Variants in DSG2 observed in about 807,000 individuals in gnomAD.
DSG2 encodes the protein desmoglein-2.
A neutral mutation model predicts 75.6 loss-of-function variants in DSG2; 45 were observed. The observed-to-expected ratio is 0.60, with a 90% confidence interval of 0.47 to 0.76. DSG2 has a LOEUF of 0.76. Ranked by LOEUF, DSG2 falls within the 30% of genes least tolerant of loss-of-function variation. The pLI is 0.00. For missense variants in DSG2, 1,267 were observed against 1,357.4 expected (o/e 0.93, Z 1.05); for synonymous variants, 429 against 483.9 (o/e 0.89, Z 1.49).
Position 31,524,852 on chromosome 18 carries a change from T to C in DSG2, c.978T>C (p.Asp326=). The change falls in exon 8 of 15, where the codon GAT becomes GAC. Residue 326 remains aspartate (D), a synonymous_variant. Coordinates refer to ENST00000261590, the MANE Select transcript of DSG2 (RefSeq NM_001943.5). ...NEGGYFHIET[D]AQTNEGIVTL... is the part of the protein sequence containing the mutation. ...GAGGTTATTTCCACATAGAAACAGA[T>C]GCTCAAACTAACGAAGGAATTGTGA... 6.2e-7 allele frequency: 1 copy of C among 1,614,218 alleles called. No individual in the cohort carries two copies. The highest frequency in any genetic ancestry group is 8.5e-7 in the Non-Finnish European group (1 of 1,180,030).
At chr18:31,518,160 A>C (rs1169871982) in intron 1 of DSG2, 79 bp from the exon 2 acceptor site, 2 of 1,112,976 alleles carry the variant, frequency 1.8e-6, no homozygotes, top group South Asian at 2.6e-5. Context: ...TATTCAATGC[A>C]GTAGGTTATT....
At chr18:31,528,336 G>A (rs977046306) in intron 8 of DSG2, among the ~76,000 whole-genome samples, 5 of 152,212 alleles carry the variant, frequency 3.3e-5, no homozygotes, top group Non-Finnish European at 4.4e-5. Flanking sequence ...AGAATGTGGT[G>A]TATTCATATG....
chr18:31,527,987 C>T (rs1318414019), intron 8 of DSG2, among the ~76,000 whole-genome samples: 1 of 152,192 alleles, frequency 6.6e-6, no homozygotes, highest in Non-Finnish European at 1.5e-5. Flanking sequence ...AATATCATCA[C>T]TTTGAGAGTC....
At position 31,536,257 on chromosome 18, in the gene DSG2, C is replaced by T. The variant is rs778100657; in HGVS notation, c.1479C>T (p.Asn493=). The T allele has an allele frequency of 6.8e-6, 11 of 1,614,154 alleles. No individual in the cohort carries two copies. Among genetic ancestry groups the T allele is most frequent in the South Asian group, 6.6e-5 (6 of 91,082 alleles). The change falls in exon 11 of 15, where the codon AAC becomes AAT. Residue 493 remains asparagine, a synonymous_variant. Transcript: ENST00000261590. The stretch of plus-strand genomic sequence containing the variant: ...TCCTTATCAATGTTGAAGACATCAA[C>T]GACAACTGTCCCACACTGATAGAGC... ...GTVLINVEDI[N]DNCPTLIEPV... is the part of the protein sequence containing the mutation.
chr18:31,506,377 A>G (rs918669088), intron 1 of DSG2, among the ~76,000 whole-genome samples: 1 of 152,266 alleles, frequency 6.6e-6, no homozygotes, highest in African/African-American at 2.4e-5. Flanking sequence ...TTTCAGAGAT[A>G]TAATCCTGCA....
At chr18:31,505,664 T>C (rs943590354) in intron 1 of DSG2, among the ~76,000 whole-genome samples, 7 of 149,094 alleles carry the variant, frequency 4.7e-5, no homozygotes, top group African/African-American at 9.9e-5. Flanking sequence ...TTCTTTTTTT[T>C]TTTTTTTCTT....
intron 5 of DSG2, among the ~76,000 whole-genome samples, chr18:31,521,851 G>A (rs981229942): frequency 3.3e-5 from 5 of 152,028 alleles, no homozygotes; most frequent in African/African-American, 9.7e-5. Flanking sequence ...CCCTTATACA[G>A]CAATTTTTCA....
At chr18:31,518,972 T>C (rs1163045316) in intron 2 of DSG2, among the ~76,000 whole-genome samples, 1 of 152,160 alleles carries the variant, frequency 6.6e-6, no homozygotes, top group Non-Finnish European at 1.5e-5. Flanking sequence ...AAATGGGAAA[T>C]TTAATTCTTT....
rs367548984 is a variant in DSG2 at position 31,535,288 on chromosome 18, T to C, written c.1299T>C (p.Asp433=). ...PAHARYVKLE[D]RDNWISVDSV... is the part of the protein sequence containing the mutation. Reference sequence around the variant, plus strand: ...ATGACAGATATGTAAAATTAGAAGATAGAGATAATTGGATCTCTGTGGATT... The same window carrying C: ...ATGACAGATATGTAAAATTAGAAGACAGAGATAATTGGATCTCTGTGGATT... The change falls in exon 10 of 15, where the codon GAT becomes GAC. Residue 433 remains aspartate, a synonymous_variant. Coordinates refer to ENST00000261590, the MANE Select transcript of DSG2 (RefSeq NM_001943.5). 35 of 1,589,052 alleles carry C rather than the reference T, an allele frequency of 2.2e-5. No individual in the cohort carries two copies. The African/African-American group carries it at 3.2e-4, about 15-fold the overall frequency.
rs2073239357 is a variant in DSG2, at chr18:31,537,609, A to C, written c.1652-1142A>C. On this transcript the variant is annotated intron_variant, in intron 11 of 14. Coordinates refer to ENST00000261590, the MANE Select transcript of DSG2 (RefSeq NM_001943.5). ...ACTCCAGCCTGGGTGACAGAGCAAG[A>C]CTCTGTCTCAAAAAAAAAACTCCCT... Among the ~76,000 whole-genome samples the C allele has an allele frequency of 2.0e-5, 3 of 151,442 alleles. No individual in the cohort carries two copies. The South Asian group carries it at 6.3e-4, about 32-fold the overall frequency.
rs1030405073 is a variant in DSG2 at position 31,534,900 on chromosome 18, G to C, written c.1281-370G>C. Among the ~76,000 whole-genome samples, 5 of 152,300 alleles carry C rather than the reference G, an allele frequency of 3.3e-5. No individual in the cohort carries two copies. The South Asian group carries it at 1.0e-3, about 32-fold the overall frequency. The stretch of plus-strand genomic sequence containing the variant: ...AACATAAGACTGCTCTTCTCCACCA[G>C]TGCTTATTGTATAACTAAGTTATTC... On this transcript the variant is annotated intron_variant, in intron 9 of 14. Transcript: ENST00000261590.
At chr18:31,537,773 C>CTA (rs1567931268) in intron 11 of DSG2, among the ~76,000 whole-genome samples, 14 of 151,978 alleles carry the variant, frequency 9.2e-5, no homozygotes, top group African/African-American at 3.1e-4. Context: ...GAGGGTGAGG[C>CTA]GGGTGGATCA....
In DSG2 at chr18:31,498,179, GGAGCC is replaced by G. The variant is rs2072992889; in HGVS notation, c.-69_-65del. On this transcript the variant is annotated 5_prime_UTR_variant, in exon 1 of 15. Coordinates refer to ENST00000261590, the MANE Select transcript of DSG2 (RefSeq NM_001943.5). ...GCCGGGGGGAGGCCGGGGCCAGGGA[GGAGCC>G]GAGTGCGCGCTCGGGGCAGGCGGCG... 8.3e-7 allele frequency: 1 copy of G among 1,205,828 alleles called. No homozygotes were observed. Among genetic ancestry groups the G allele is most frequent in the Non-Finnish European group, 1.0e-6 (1 of 966,730 alleles). 74.7% of individuals were successfully genotyped at this position (1,205,828 alleles called of 1,614,324 possible).
At chr18:31,508,056 T>G (rs1208445965) in intron 1 of DSG2, among the ~76,000 whole-genome samples, 1 of 152,202 alleles carries the variant, frequency 6.6e-6, no homozygotes, top group Non-Finnish European at 1.5e-5. Flanking sequence ...TTTTATGGTT[T>G]TAGGTCTTAC....
intron 1 of DSG2, among the ~76,000 whole-genome samples, 164 bp from the exon 2 acceptor site, chr18:31,518,075 G>T (rs980970338): frequency 3.3e-5 from 5 of 152,138 alleles, no homozygotes; most frequent in African/African-American, 1.2e-4. Context: ...TTCCCATTAG[G>T]GAAGGCAATG....
chr18:31,542,474 C>T, intron 13 of DSG2, 46 bp from the exon 14 acceptor site: 1 of 1,587,068 alleles, frequency 6.3e-7, no homozygotes, highest in Non-Finnish European at 8.6e-7. Context: ...ATGAAGGATT[C>T]CCTCCATCCT....
chr18:31,521,659 C>A (rs1421516977), intron 5 of DSG2, among the ~76,000 whole-genome samples: 2 of 152,166 alleles, frequency 1.3e-5, no homozygotes, highest in Admixed American at 1.3e-4. Flanking sequence ...TATTTATTCA[C>A]AACATTGTTC....
intron 1 of DSG2, among the ~76,000 whole-genome samples, chr18:31,506,598 T>G (rs894414149): frequency 2.0e-5 from 3 of 152,224 alleles, no homozygotes; most frequent in African/African-American, 7.2e-5. Context: ...TTGGTTTTCT[T>G]AAACTGCCCA....
At chr18:31,512,259 C>T (rs556934273) in intron 1 of DSG2, among the ~76,000 whole-genome samples, 1 of 152,284 alleles carries the variant, frequency 6.6e-6, no homozygotes, top group South Asian at 2.1e-4. Context: ...GGAAATGGTG[C>T]CTTCACTCAC....
Sources: allele counts gnomAD v4.1 joint callset (sites outside exome capture counted in the v4.1 genomes callset), GRCh38; gene constraint gnomAD v4.1.1; transcripts MANE v1.5; gene names NCBI Gene and HGNC (gene_info 2026-07-23, HGNC 2026-07-21).